The following TARBP1 variants were observed in gnomAD, a reference collection of about 807,000 sequenced individuals.
TARBP1 encodes tRNA guanosine 2 -O-methyltransferase TARBP1.
TARBP1 carries 144 observed loss-of-function variants against 178.6 expected under a neutral mutation model. The observed-to-expected ratio is 0.81, with a 90% confidence interval of 0.70 to 0.93. The LOEUF (loss-of-function observed/expected upper bound fraction) is 0.93. Ranked by LOEUF, TARBP1 falls within the 40% of genes least tolerant of loss-of-function variation. TARBP1 has a pLI of 0.00. For synonymous variants in TARBP1, 787 were observed against 781.0 expected, an observed-to-expected ratio of 1.01 and a Z score of -0.13; for missense variants, 2,067 against 2,011.7, an observed-to-expected ratio of 1.03 and a Z score of -0.53.
chr1:234,393,633 A>C lies in TARBP1; in HGVS notation c.4435+13T>G. The C allele has an allele frequency of 6.3e-7, 1 of 1,593,856 alleles. No individual in the cohort carries two copies. Among genetic ancestry groups the C allele is most frequent in the Non-Finnish European group, 8.6e-7 (1 of 1,167,334 alleles). On this transcript the variant is annotated intron_variant, in intron 27 of 29. Coordinates refer to ENST00000040877, the MANE Select transcript of TARBP1 (RefSeq NM_005646.4). ...AGCTTTCAGGCAAAGCTCCCAGAAA[A>C]CTCCAACTTTACCTCCTAAATTGGT... is the stretch of plus-strand genomic sequence containing the variant.
rs1572383059 is a variant in TARBP1 at position 234,460,185 on chromosome 1, A to G, written c.1535+76T>C. Reference sequence around the variant, plus strand: ...ACTATATCCATTTACTGTAGATTAAAGCAGAGGAGAAAATATATATATTGA... The same window carrying G: ...ACTATATCCATTTACTGTAGATTAAGGCAGAGGAGAAAATATATATATTGA... On this transcript the variant is annotated intron_variant, in intron 7 of 29. Coordinates refer to ENST00000040877, the MANE Select transcript of TARBP1 (RefSeq NM_005646.4). 2.7e-6 allele frequency: 4 copies of G among 1,469,530 alleles called. No individual in the cohort carries two copies. In the East Asian group the frequency reaches 9.4e-5, roughly 34 times the overall value. 91.0% of individuals were successfully genotyped at this position (1,469,530 alleles called of 1,614,324 possible). A position where few individuals can be genotyped will look rare whatever the true frequency, so the allele number is the denominator to read the frequency against.
chr1:234,393,591 A>G, intron 27 of TARBP1, 55 bp downstream of exon 27: 1 of 1,582,768 alleles, frequency 6.3e-7, no homozygotes. Flanking sequence ...ATTAATTAAA[A>G]AATGTTGAAG....
chr1:234,403,398 C>A (rs1463791143), intron 24 of TARBP1, among the ~76,000 whole-genome samples: 1 of 152,178 alleles, frequency 6.6e-6, no homozygotes, highest in Non-Finnish European at 1.5e-5. Flanking sequence ...TTCCCTAAAC[C>A]ACCCAGACTG....
intron 19 of TARBP1, 104 bp downstream of exon 19, chr1:234,427,213 T>G: frequency 1.4e-6 from 1 of 721,506 alleles, no homozygotes; most frequent in East Asian, 2.8e-5. Context: ...ATTAATATAT[T>G]AGATGTCACT....
At chr1:234,428,718 G>C (rs1418162994) in intron 17 of TARBP1, among the ~76,000 whole-genome samples, 1 of 152,040 alleles carries the variant, frequency 6.6e-6, no homozygotes, top group Non-Finnish European at 1.5e-5. Context: ...GCTAATTTTT[G>C]TATTTTTAGT....
rs1370845926 is a variant in TARBP1, at chr1:234,430,107, A to T, written c.2589T>A (p.Ala863=). The change falls in exon 15 of 30, where the codon GCT becomes GCA. Residue 863 remains alanine (A), a synonymous_variant. Coordinates refer to ENST00000040877, the MANE Select transcript of TARBP1 (RefSeq NM_005646.4). ...KPHAEEQSSY[A]HPLECSSVLE... is the part of the protein sequence containing the mutation. ...TGTACCTGCTGCACTCCAAGGGGTG[A>T]GCATAACTGCTCTGCTCCTCTGCGT... is the stretch of plus-strand genomic sequence containing the variant. 1 of 1,613,508 alleles carries T rather than the reference A, an allele frequency of 6.2e-7. No individual in the cohort carries two copies. Among genetic ancestry groups the T allele is most frequent in the South Asian group, 1.1e-5 (1 of 91,076 alleles).
chr1:234,456,264 G>A (rs1047951915), intron 9 of TARBP1, among the ~76,000 whole-genome samples: 3 of 152,192 alleles, frequency 2.0e-5, no homozygotes, highest in African/African-American at 7.2e-5. Context: ...GCAGTGGCAC[G>A]ATCTCAGCTC....
chr1:234,473,493 G>A (rs534803719), intron 1 of TARBP1, among the ~76,000 whole-genome samples: 8 of 152,204 alleles, frequency 5.3e-5, no homozygotes, highest in Non-Finnish European at 8.8e-5. Context: ...GGGATTCAGC[G>A]AACATGTGTG....
chr1:234,408,785 G>A (rs749814869), intron 23 of TARBP1, among the ~76,000 whole-genome samples: 4 of 152,204 alleles, frequency 2.6e-5, no homozygotes, highest in Middle Eastern at 3.4e-3. Flanking sequence ...TCTGATCCCC[G>A]AATGCTCAGG....
intron 9 of TARBP1, 24 bp downstream of exon 9, chr1:234,457,643 T>C: frequency 6.6e-7 from 1 of 1,521,872 alleles, no homozygotes; most frequent in Non-Finnish European, 8.9e-7. Flanking sequence ...TTCAAAGACT[T>C]TATTAAATTA....
intron 13 of TARBP1, among the ~76,000 whole-genome samples, chr1:234,434,489 T>C (rs1306132515): frequency 6.6e-6 from 1 of 152,146 alleles, no homozygotes; most frequent in Non-Finnish European, 1.5e-5. Flanking sequence ...GGGATGAAGG[T>C]GCCAGGAAGG....
chr1:234,410,107 G>A (rs1038668666), intron 23 of TARBP1, among the ~76,000 whole-genome samples: 1 of 152,200 alleles, frequency 6.6e-6, no homozygotes, highest in Non-Finnish European at 1.5e-5. Context: ...TTCAGTCAAA[G>A]AAGGTAAGGG....
rs146774053 is a variant in TARBP1 at position 234,478,062 on chromosome 1, C to A, written c.931+111G>T. ...GGGAGCAACGCGGAATAACCAAATT[C>A]TGCATGGATCGGAGTGACGACCCCG... On this transcript the variant is annotated intron_variant, in intron 1 of 29. Coordinates refer to ENST00000040877, the MANE Select transcript of TARBP1 (RefSeq NM_005646.4). 465 of 1,096,702 alleles carry A rather than the reference C, an allele frequency of 4.2e-4. 3 individuals carry two copies. In the East Asian group the frequency reaches 0.012, roughly 29 times the overall value. 67.9% of individuals were successfully genotyped at this position (1,096,702 alleles called of 1,614,324 possible). A position where few individuals can be genotyped will look rare whatever the true frequency, so the allele number is the denominator to read the frequency against.
chr1:234,447,544 G>A lies in TARBP1; in HGVS notation c.1962-569C>T, dbSNP rs370616642. On this transcript the variant is annotated intron_variant, in intron 11 of 29. Transcript: ENST00000040877. ...TAAGTAGCTGGGACCACAGGTGTGA[G>A]CCACCATGTGCAGGTAATTTTTTAA... is the stretch of plus-strand genomic sequence containing the variant. Among the ~76,000 whole-genome samples, 27 of 152,078 alleles carry A rather than the reference G, an allele frequency of 1.8e-4. No individual in the cohort carries two copies. The East Asian group carries it at 3.1e-3, about 17-fold the overall frequency.
At chr1:234,405,047 C>T (rs545828568) in intron 24 of TARBP1, among the ~76,000 whole-genome samples, 36 of 152,232 alleles carry the variant, frequency 2.4e-4, no homozygotes, top group Non-Finnish European at 3.8e-4. Context: ...TTAATGGTCA[C>T]GACCAAGACT....
At chr1:234,420,534 TTCTC>T (rs1206587981) in intron 21 of TARBP1, among the ~76,000 whole-genome samples, 164 bp downstream of exon 21, 8 of 152,336 alleles carry the variant, frequency 5.3e-5, no homozygotes, top group African/African-American at 1.7e-4. Flanking sequence ...TGCCTTGGTA[TTCTC>T]TCTGTTAATA....
At chr1:234,453,844 G>A (rs1173989225) in intron 9 of TARBP1, among the ~76,000 whole-genome samples, 1 of 152,136 alleles carries the variant, frequency 6.6e-6, no homozygotes, top group African/African-American at 2.4e-5. Flanking sequence ...ACTGACCACT[G>A]TATTACCAAC....
chr1:234,463,954 A>C lies in TARBP1; in HGVS notation c.1302-20T>G. 1 of 1,487,122 alleles carries C rather than the reference A, an allele frequency of 6.7e-7. No homozygotes were observed. The highest frequency in any genetic ancestry group is 9.1e-7 in the Non-Finnish European group (1 of 1,100,500). 92.1% of individuals were successfully genotyped at this position (1,487,122 alleles called of 1,614,324 possible). On this transcript the variant is annotated intron_variant, in intron 5 of 29. Transcript: ENST00000040877. ...GGGGACCTACAAACAGAGAGTGGGGAAAACAAATATTTAACATTTATTTAC... is the reference window on the plus strand; with the variant it reads ...GGGGACCTACAAACAGAGAGTGGGGCAAACAAATATTTAACATTTATTTAC...
At chr1:234,412,099 T>C (rs1661883745) in intron 22 of TARBP1, among the ~76,000 whole-genome samples, 1 of 152,164 alleles carries the variant, frequency 6.6e-6, no homozygotes, top group Non-Finnish European at 1.5e-5. Flanking sequence ...TAAGGGGATC[T>C]AAATACTTGG....
Sources: allele counts gnomAD v4.1 joint callset (sites outside exome capture counted in the v4.1 genomes callset), GRCh38; gene constraint gnomAD v4.1.1; transcripts MANE v1.5; gene names NCBI Gene and HGNC (gene_info 2026-07-23, HGNC 2026-07-21).